Variants in EFNA5 observed in about 807,000 individuals in gnomAD.
The protein encoded by EFNA5 is ephrin A5, also known as ephrin-A5.
Under a neutral mutation model 22.9 loss-of-function variants are expected in EFNA5, and 5 were observed. That is an observed-to-expected ratio of 0.22 (90% CI 0.11 to 0.46). The LOEUF (loss-of-function observed/expected upper bound fraction) is 0.46, where lower values mean the gene tolerates loss of function less well. EFNA5 is among the 20% of genes least tolerant of loss of function. EFNA5 has a pLI of 0.99. For synonymous variants in EFNA5, 113 were observed against 112.2 expected (o/e 1.01, Z -0.04); for missense variants, 237 against 293.3 (o/e 0.81, Z 1.40).
chr5:107,554,787 C>A (rs999543699), intron 1 of EFNA5, among the ~76,000 whole-genome samples: 8 of 152,114 alleles, frequency 5.3e-5, no homozygotes, highest in Non-Finnish European at 1.0e-4. Context: ...ATAGGAAAAC[C>A]GAGTCTTAAA....
At chr5:107,657,708 T>C (rs1295967745) in intron 1 of EFNA5, among the ~76,000 whole-genome samples, 1 of 152,134 alleles carries the variant, frequency 6.6e-6, no homozygotes, top group African/African-American at 2.4e-5. Flanking sequence ...ACACCTGACT[T>C]AAAGTACAAA....
intron 1 of EFNA5, among the ~76,000 whole-genome samples, chr5:107,485,021 T>C (rs1746561970): frequency 6.6e-6 from 1 of 150,740 alleles, no homozygotes. Flanking sequence ...GAAAAAAAGG[T>C]AGGAAATACA....
Position 107,482,308 on chromosome 5 carries a change from C to CAAAAA in EFNA5, c.126-54804_126-54800dup, listed in dbSNP as rs11400186. Among the ~76,000 whole-genome samples, 72 of 137,218 alleles carry CAAAAA rather than the reference C, an allele frequency of 5.2e-4. 1 individual carries two copies. In the East Asian group the frequency reaches 5.6e-3, roughly 11 times the overall value. The allele number at this position is 137,218 out of a possible 152,430, so 90.0% of individuals were successfully genotyped here. A position where few individuals can be genotyped will look rare whatever the true frequency, so the allele number is the denominator to read the frequency against. The stretch of plus-strand genomic sequence containing the variant: ...GTGACAAAATGAGTTGATCTTGTCT[C>CAAAAA]AAAAAAAAAAAAAATGCTATTTTTG... On this transcript the variant is annotated intron_variant, in intron 1 of 4. Coordinates refer to ENST00000333274, the MANE Select transcript of EFNA5 (RefSeq NM_001962.3).
chr5:107,670,595 A>C lies in EFNA5; in HGVS notation c.19T>G (p.Leu7Val). 6.2e-7 allele frequency: 1 copy of C among 1,604,212 alleles called. No individual in the cohort carries two copies. The highest frequency in any genetic ancestry group is 8.5e-7 in the Non-Finnish European group (1 of 1,175,908). Residue 7 changes from leucine (L) to valine (V), a missense_variant, in exon 1 of 5, where the codon TTG (leucine) becomes GTG (valine). By Grantham distance (32) the Leu-to-Val change is conservative. Around this residue, in one of 3 missense-constraint regions of EFNA5, gnomAD observed 120 missense variants for 140.5 expected, o/e 0.85. Coordinates refer to ENST00000333274, the MANE Select transcript of EFNA5 (RefSeq NM_001962.3). Reference protein sequence around the residue: MLHVEMLTLVFLVLWMC... With the variant: MLHVEMVTLVFLVLWMC... Reference sequence around the variant, plus strand: ...CAGAGCACCAGAAACACCAGCGTCAACATCTCCACGTGCAACATCACGCCT... The same window carrying C: ...CAGAGCACCAGAAACACCAGCGTCACCATCTCCACGTGCAACATCACGCCT...
chr5:107,660,537 C>T (rs567217547), intron 1 of EFNA5, among the ~76,000 whole-genome samples: 2 of 151,572 alleles, frequency 1.3e-5, no homozygotes, highest in East Asian at 3.9e-4. Context: ...GGGAAATACT[C>T]TTTAGAATAG....
chr5:107,511,408 G>A (rs540653412), intron 1 of EFNA5, among the ~76,000 whole-genome samples: 1 of 152,260 alleles, frequency 6.6e-6, no homozygotes, highest in East Asian at 1.9e-4. Flanking sequence ...CATTTTTAAA[G>A]TAAATGGATG....
intron 1 of EFNA5, among the ~76,000 whole-genome samples, chr5:107,522,446 T>A (rs1747617909): frequency 6.6e-6 from 1 of 152,152 alleles, no homozygotes; most frequent in South Asian, 2.1e-4. Flanking sequence ...TTGCCTAGAC[T>A]GGAGTGCAGT....
intron 1 of EFNA5, among the ~76,000 whole-genome samples, chr5:107,665,681 T>C (rs1343035074): frequency 2.6e-5 from 4 of 152,194 alleles, no homozygotes; most frequent in Non-Finnish European, 5.9e-5. Flanking sequence ...CAGTTGAGTA[T>C]TTCTGATAGT....
intron 1 of EFNA5, among the ~76,000 whole-genome samples, chr5:107,590,108 C>A (rs557185148): frequency 6.6e-6 from 1 of 151,952 alleles, no homozygotes; most frequent in Non-Finnish European, 1.5e-5. Context: ...GTTTCCTCAT[C>A]GGTATAAAGA....
chr5:107,533,373 G>A (rs1450388821), intron 1 of EFNA5, among the ~76,000 whole-genome samples: 1 of 152,046 alleles, frequency 6.6e-6, no homozygotes, highest in African/African-American at 2.4e-5. Context: ...AGTCTGAATT[G>A]GGCTTCTTTC....
intron 1 of EFNA5, among the ~76,000 whole-genome samples, chr5:107,491,171 T>C (rs568000957): frequency 1.1e-4 from 16 of 152,334 alleles, no homozygotes; most frequent in African/African-American, 3.8e-4. Flanking sequence ...TGCTTTTCCA[T>C]GGTCTGGCCA....
intron 2 of EFNA5, among the ~76,000 whole-genome samples, chr5:107,424,978 A>T (rs1179930132): frequency 6.6e-6 from 1 of 152,120 alleles, no homozygotes; most frequent in Admixed American, 6.5e-5. Context: ...TTTTGCTGCT[A>T]ATTTTGTGCT....
intron 1 of EFNA5, among the ~76,000 whole-genome samples, chr5:107,594,793 G>A (rs1333431237): frequency 6.6e-6 from 1 of 152,126 alleles, no homozygotes; most frequent in Non-Finnish European, 1.5e-5. Flanking sequence ...GCACTGACCA[G>A]CACCGGTGAA....
At chr5:107,424,452 A>G (rs1748757461) in intron 2 of EFNA5, among the ~76,000 whole-genome samples, 1 of 149,762 alleles carries the variant, frequency 6.7e-6, no homozygotes, top group South Asian at 2.1e-4. Flanking sequence ...TCCTGACCTC[A>G]TGATCCACCC....
At chr5:107,666,212 T>C (rs1751062560) in intron 1 of EFNA5, among the ~76,000 whole-genome samples, 1 of 152,140 alleles carries the variant, frequency 6.6e-6, no homozygotes, top group Non-Finnish European at 1.5e-5. Flanking sequence ...AAGGTCACAG[T>C]GCCGGCATAC....
rs114726286 is a variant in EFNA5 at position 107,662,873 on chromosome 5, A to T, written c.125+7616T>A. The stretch of plus-strand genomic sequence containing the variant: ...AAATGAAATCAGGATTTGAGGGTGG[A>T]GGTGACAATAGGGGCTATTAATATA... On this transcript the variant is annotated intron_variant, in intron 1 of 4. Coordinates refer to ENST00000333274, the MANE Select transcript of EFNA5 (RefSeq NM_001962.3). Among the ~76,000 whole-genome samples, 1,335 of 151,856 alleles carry T rather than the reference A, an allele frequency of 8.8e-3. 9 individuals carry two copies. Among genetic ancestry groups the T allele is most frequent in the Middle Eastern group, 0.021 (6 of 292 alleles).
chr5:107,471,119 G>A (rs748820134), intron 1 of EFNA5, among the ~76,000 whole-genome samples: 4 of 151,998 alleles, frequency 2.6e-5, no homozygotes. Context: ...CCCAGGTTAG[G>A]AACCCCAGTG....
In EFNA5 at chr5:107,380,394, A is replaced by T. The variant is rs1422036101; in HGVS notation, c.*861T>A. 1 of 151,652 alleles carries T rather than the reference A, an allele frequency of 6.6e-6. No individual in the cohort carries two copies. Among genetic ancestry groups the T allele is most frequent in the African/African-American group, 2.5e-5 (1 of 40,648 alleles). The allele number at this position is 151,652 out of a possible 1,614,324, so 9.4% of individuals were successfully genotyped here. A position where few individuals can be genotyped will look rare whatever the true frequency, so the allele number is the denominator to read the frequency against. On this transcript the variant is annotated 3_prime_UTR_variant, in exon 5 of 5. Coordinates refer to ENST00000333274, the MANE Select transcript of EFNA5 (RefSeq NM_001962.3). ...TTTCTTAAAAAAAAAAAAAAAAAAA[A>T]AAAAAAAAAAAAAAAAAGTTGTAGC... is the stretch of plus-strand genomic sequence containing the variant.
chr5:107,572,040 A>G lies in EFNA5; in HGVS notation c.125+98449T>C, dbSNP rs190273197. Among the ~76,000 whole-genome samples the G allele has an allele frequency of 4.4e-4, 67 of 152,244 alleles. No individual in the cohort carries two copies. In the East Asian group the frequency reaches 0.012, roughly 28 times the overall value. ...AACAGCAGCGTGGACAGACAGTCAT[A>G]CAGGTGTGGGCCGGGACCTTAGAGG... On this transcript the variant is annotated intron_variant, in intron 1 of 4. Coordinates refer to ENST00000333274, the MANE Select transcript of EFNA5 (RefSeq NM_001962.3).
Sources: allele counts gnomAD v4.1 joint callset (sites outside exome capture counted in the v4.1 genomes callset), GRCh38; gene constraint gnomAD v4.1.1; regional missense constraint gnomAD v4.1.1; transcripts MANE v1.5; gene names NCBI Gene and HGNC (gene_info 2026-07-23, HGNC 2026-07-21).